PPP4R3B: variants seen among roughly 807,000 people sequenced by gnomAD.
PPP4R3B encodes serine/threonine-protein phosphatase 4 regulatory subunit 3B.
A neutral mutation model predicts 95.4 loss-of-function variants in PPP4R3B; 52 were observed. That is an observed-to-expected ratio of 0.54 (90% CI 0.44 to 0.69). PPP4R3B has a LOEUF of 0.69. Ranked by LOEUF, PPP4R3B falls within the 30% of genes least tolerant of loss-of-function variation. PPP4R3B has a pLI of 0.00. For synonymous variants in PPP4R3B, 407 were observed against 343.9 expected, an observed-to-expected ratio of 1.18 and a Z score of -2.03; for missense variants, 1,003 against 1,005.9, an observed-to-expected ratio of 1.00 and a Z score of 0.04.
rs560865531 is a variant in PPP4R3B, at chr2:55,612,556, CACA to C, written c.198+2892_198+2894del. 2.5e-3 allele frequency among the ~76,000 whole-genome samples: 377 copies of C among 152,202 alleles called. 2 individuals carry two copies. The highest frequency in any genetic ancestry group is 3.9e-3 in the Non-Finnish European group (262 of 68,020). ...CACACAGTGAGACCGTCTCTACAAA[CACA>C]ACAACAACAAAGTTTTGTAATAAAT... On this transcript the variant is annotated intron_variant, in intron 2 of 16. Transcript: ENST00000616407.
At chr2:55,553,885 C>T (rs1455890462) in intron 16 of PPP4R3B, among the ~76,000 whole-genome samples, 1 of 152,092 alleles carries the variant, frequency 6.6e-6, no homozygotes, top group Non-Finnish European at 1.5e-5. Flanking sequence ...TACTTTTTGG[C>T]TATTATGAAA....
At position 55,578,309 on chromosome 2, in the gene PPP4R3B, C is replaced by T; in HGVS notation, c.1502G>A (p.Ser501Asn). 1 of 1,457,014 alleles carries T rather than the reference C, an allele frequency of 6.9e-7. No homozygotes were observed. The highest frequency in any genetic ancestry group is 1.6e-5 in the South Asian group (1 of 63,336). 90.3% of individuals were successfully genotyped at this position (1,457,014 alleles called of 1,614,324 possible). A position where few individuals can be genotyped will look rare whatever the true frequency, so the allele number is the denominator to read the frequency against. ...FFLKHYRYSW[S>N]FICTPSHSHS... is the part of the protein sequence containing the mutation. ...GGAATGTGAAGGGGTACATATGAAA[C>T]TCCAACTATATCTGTAATGTTTTAA... The change falls in exon 10 of 17, where the codon AGT becomes AAT. Residue 501 changes from serine (S) to asparagine (N), a missense_variant. Transcript: ENST00000616407.
intron 2 of PPP4R3B, among the ~76,000 whole-genome samples, chr2:55,606,508 G>T (rs1252114812): frequency 2.6e-5 from 4 of 151,716 alleles, no homozygotes; most frequent in African/African-American, 9.7e-5. Flanking sequence ...AATGCAGTGA[G>T]ACTTCTATAT....
In PPP4R3B at chr2:55,571,832, T is replaced by C. The variant is rs1053349224; in HGVS notation, c.1765+1787A>G. 1.1e-4 allele frequency among the ~76,000 whole-genome samples: 17 copies of C among 152,336 alleles called. No individual in the cohort carries two copies. The South Asian group carries it at 3.5e-3, about 32-fold the overall frequency. On this transcript the variant is annotated intron_variant, in intron 12 of 16. Transcript: ENST00000616407. Reference sequence around the variant, plus strand: ...GTAGAGACAGTTATATTGCCCAGGCTGCTCTCGAACTCCTGACCTCAGGTG... The same window carrying C: ...GTAGAGACAGTTATATTGCCCAGGCCGCTCTCGAACTCCTGACCTCAGGTG...
At chr2:55,555,146 G>C (rs1685678191) in intron 16 of PPP4R3B, among the ~76,000 whole-genome samples, 1 of 151,976 alleles carries the variant, frequency 6.6e-6, no homozygotes, top group South Asian at 2.1e-4. Context: ...CAGGCGTGGT[G>C]GTGGGCACCT....
chr2:55,563,789 A>T (rs1686933756), intron 15 of PPP4R3B, among the ~76,000 whole-genome samples: 1 of 152,252 alleles, frequency 6.6e-6, no homozygotes, highest in African/African-American at 2.4e-5. Context: ...ATATATTACT[A>T]GCAAGATCTT....
At chr2:55,561,009 A>C (rs920442642) in intron 15 of PPP4R3B, among the ~76,000 whole-genome samples, 74 of 152,290 alleles carry the variant, frequency 4.9e-4, no homozygotes, top group African/African-American at 1.7e-3. Context: ...AGTAACAAGG[A>C]GCCAAATGTT....
At chr2:55,571,396 CA>C (rs1687978878) in intron 12 of PPP4R3B, among the ~76,000 whole-genome samples, 1 of 151,866 alleles carries the variant, frequency 6.6e-6, no homozygotes, top group Non-Finnish European at 1.5e-5. Context: ...TTTAATGAGC[CA>C]AATAGGAAAA....
chr2:55,598,721 T>G lies in PPP4R3B; in HGVS notation c.616A>C (p.Lys206Gln). The part of the protein sequence containing the change: ...EIIRGILFLN[K>Q]ATLFEVMFSD... ...AACATTACCTCAAAAAGAGTTGCCT[T>G]ATTTAGGAATAAGATTCCTCTAATA... Residue 206 changes from lysine (K) to glutamine (Q), a missense_variant, in exon 4 of 17, where the codon AAG becomes CAG. Lys to Gln is a moderately conservative substitution (Grantham distance 53). Transcript: ENST00000616407. 1 of 1,614,226 alleles carries G rather than the reference T, an allele frequency of 6.2e-7. No homozygotes were observed. Among genetic ancestry groups the G allele is most frequent in the Non-Finnish European group, 8.5e-7 (1 of 1,180,042 alleles).
intron 4 of PPP4R3B, among the ~76,000 whole-genome samples, chr2:55,593,621 T>C (rs913908326): frequency 1.3e-5 from 2 of 152,144 alleles, no homozygotes; most frequent in Non-Finnish European, 2.9e-5. Context: ...GAGGCCACTG[T>C]AGGGCCAGGT....
chr2:55,568,528 T>C (rs1687589304), intron 12 of PPP4R3B, among the ~76,000 whole-genome samples, 165 bp from the exon 13 acceptor site: 1 of 152,190 alleles, frequency 6.6e-6, no homozygotes, highest in South Asian at 2.1e-4. Context: ...TAAAACTGTC[T>C]GGTAAAACTG....
chr2:55,609,213 CACAGGTGTG>C (rs1456674400), intron 2 of PPP4R3B, among the ~76,000 whole-genome samples: 2 of 151,796 alleles, frequency 1.3e-5, no homozygotes, highest in Non-Finnish European at 2.9e-5. Context: ...GTTGGCTATT[CACAGGTGTG>C]ATCATCACGA....
chr2:55,612,902 C>T (rs780584107), intron 2 of PPP4R3B, among the ~76,000 whole-genome samples: 1 of 150,638 alleles, frequency 6.6e-6, no homozygotes, highest in African/African-American at 2.4e-5. Flanking sequence ...GCAGAAATCG[C>T]ACCACCACAC....
intron 11 of PPP4R3B, among the ~76,000 whole-genome samples, chr2:55,574,991 G>A (rs1345477775): frequency 1.4e-5 from 2 of 139,068 alleles, no homozygotes; most frequent in South Asian, 2.3e-4. Context: ...AGACTGGAGT[G>A]CAGTGGTGCG....
chr2:55,576,872 G>A (rs1688755421), intron 11 of PPP4R3B, among the ~76,000 whole-genome samples: 1 of 152,128 alleles, frequency 6.6e-6, no homozygotes, highest in Non-Finnish European at 1.5e-5. Context: ...GGCAGAAAAG[G>A]TATGGGACGG....
chr2:55,578,730 T>C (rs766250887), intron 9 of PPP4R3B, among the ~76,000 whole-genome samples: 1 of 152,068 alleles, frequency 6.6e-6, no homozygotes, highest in South Asian at 2.1e-4. Flanking sequence ...ATGGAACTGA[T>C]AGTATTACAT....
At chr2:55,615,387 G>T in intron 2 of PPP4R3B, 64 bp downstream of exon 2, 1 of 1,176,562 alleles carries the variant, frequency 8.5e-7, no homozygotes, top group Non-Finnish European at 1.2e-6. Context: ...TCCCACCTTT[G>T]TCAGATTAAT....
At chr2:55,559,110 G>C in intron 15 of PPP4R3B, 142 bp from the exon 16 acceptor site, 1 of 606,514 alleles carries the variant, frequency 1.6e-6, no homozygotes, top group South Asian at 2.4e-5. Flanking sequence ...CACTTTGGGA[G>C]GCTGAGGCAG....
chr2:55,586,975 C>T (rs1171451015), intron 5 of PPP4R3B, among the ~76,000 whole-genome samples: 1 of 152,172 alleles, frequency 6.6e-6, no homozygotes, highest in Admixed American at 6.5e-5. Flanking sequence ...TAAATGTAAG[C>T]TGGCTTTCTG....
Sources: gnomAD v4.1 joint callset for allele counts (sites outside exome capture counted in the v4.1 genomes callset) on GRCh38, gnomAD v4.1.1 for gene constraint, MANE v1.5 for transcripts, NCBI Gene and HGNC (gene_info 2026-07-23, HGNC 2026-07-21) for gene names.